VAPB: variants seen among roughly 807,000 people sequenced by gnomAD.
VAPB encodes the protein VAMP associated protein B and C, also known as vesicle-associated membrane protein-associated protein B/C.
VAPB carries 7 observed loss-of-function variants against 25.6 expected under a neutral mutation model. The ratio of observed to expected loss-of-function variants is 0.27; its 90% CI spans 0.16 to 0.51. The LOEUF is 0.51. Ranked by LOEUF, VAPB falls within the 20% of genes least tolerant of loss-of-function variation. The probability of loss-of-function intolerance (pLI) is 0.97; values close to 1 mark genes in which losing one functional copy is unlikely to be tolerated. For missense variants in VAPB, 266 were observed against 301.3 expected (o/e 0.88, Z 0.87); for synonymous variants, 112 against 109.2 (o/e 1.03, Z -0.16).
intron 2 of VAPB, among the ~76,000 whole-genome samples, chr20:58,421,171 T>A (rs1401101739): frequency 2.0e-5 from 3 of 152,196 alleles, no homozygotes; most frequent in Non-Finnish European, 2.9e-5. Flanking sequence ...GACCAACCTA[T>A]TAACCTTTCT....
chr20:58,423,441 A>AAAG, intron 2 of VAPB, among the ~76,000 whole-genome samples: 1 of 149,674 alleles, frequency 6.7e-6, no homozygotes, highest in Non-Finnish European at 1.5e-5. Context: ...AAAAAAAAAA[A>AAAG]AAAAAAAAGA....
chr20:58,403,443 A>T (rs933774913), intron 1 of VAPB, among the ~76,000 whole-genome samples: 2 of 152,188 alleles, frequency 1.3e-5, no homozygotes, highest in African/African-American at 4.8e-5. Flanking sequence ...GTCTTCTATC[A>T]CAGCTAATTT....
chr20:58,428,348 A>G (rs1337598062), intron 2 of VAPB, among the ~76,000 whole-genome samples: 1 of 152,230 alleles, frequency 6.6e-6, no homozygotes, highest in East Asian at 1.9e-4. Context: ...ATCAGCAGAT[A>G]CATTTTAAAA....
At chr20:58,405,211 A>G (rs1329029087) in intron 1 of VAPB, among the ~76,000 whole-genome samples, 1 of 152,142 alleles carries the variant, frequency 6.6e-6, no homozygotes, top group Non-Finnish European at 1.5e-5. Flanking sequence ...ATATAAAATG[A>G]GTGTATGAAC....
intron 1 of VAPB, among the ~76,000 whole-genome samples, chr20:58,409,429 TAGAG>T (rs1164476079): frequency 1.3e-5 from 2 of 152,192 alleles, no homozygotes; most frequent in Admixed American, 6.5e-5. Flanking sequence ...TTTTCCCACA[TAGAG>T]AGTCTACTGT....
At chr20:58,411,699 G>A (rs563815851) in intron 1 of VAPB, among the ~76,000 whole-genome samples, 1 of 151,984 alleles carries the variant, frequency 6.6e-6, no homozygotes, top group Non-Finnish European at 1.5e-5. Context: ...TTTTGAGACG[G>A]AGTCTCTTTC....
chr20:58,409,296 C>G (rs6026244), intron 1 of VAPB, among the ~76,000 whole-genome samples: 1 of 151,856 alleles, frequency 6.6e-6, no homozygotes, highest in Non-Finnish European at 1.5e-5. Flanking sequence ...GGGTATAGAA[C>G]GCAGAAAGCA....
At chr20:58,395,497 G>A (rs1987934603) in intron 1 of VAPB, among the ~76,000 whole-genome samples, 1 of 152,106 alleles carries the variant, frequency 6.6e-6, no homozygotes, top group Non-Finnish European at 1.5e-5. Context: ...GCTGTCTAAA[G>A]GATGATCATG....
intron 1 of VAPB, among the ~76,000 whole-genome samples, chr20:58,414,459 C>T (rs1988481022): frequency 6.6e-6 from 1 of 151,644 alleles, no homozygotes; most frequent in Admixed American, 6.6e-5. Context: ...GGTCTCCCCA[C>T]TCCTCAGACG....
chr20:58,413,139 CTTT>C (rs11481028), intron 1 of VAPB, among the ~76,000 whole-genome samples: 18 of 132,600 alleles, frequency 1.4e-4, no homozygotes, highest in Non-Finnish European at 2.4e-4. Context: ...TATTTGCCTT[CTTT>C]TTTTTTTTTT....
In VAPB at chr20:58,448,904, C is replaced by T. The variant is rs1302878484; in HGVS notation, c.*4669C>T. The T allele has an allele frequency of 4.4e-6, 2 of 453,824 alleles. No individual in the cohort carries two copies. Among genetic ancestry groups the T allele is most frequent in the South Asian group, 1.6e-5 (1 of 64,478 alleles). The allele number at this position is 453,824 out of a possible 1,614,324, so 28.1% of individuals were successfully genotyped here. A position where few individuals can be genotyped will look rare whatever the true frequency, so the allele number is the denominator to read the frequency against. On this transcript the variant is annotated 3_prime_UTR_variant, in exon 6 of 6. Transcript: ENST00000475243. ...CGTCTCGGCAAGGAGATGATGGGAG[C>T]GCTTTATATGGAGGCTTTACATGAC...
chr20:58,451,061 A>G lies in VAPB; in HGVS notation c.*6826A>G. The G allele has an allele frequency of 4.7e-6, 2 of 424,568 alleles. No individual in the cohort carries two copies. Among genetic ancestry groups the G allele is most frequent in the South Asian group, 3.4e-5 (2 of 59,602 alleles). The allele number at this position is 424,568 out of a possible 1,614,324, so 26.3% of individuals were successfully genotyped here. A position where few individuals can be genotyped will look rare whatever the true frequency, so the allele number is the denominator to read the frequency against. ...ATAAACTTTTGTACTAGCTGTCTCC[A>G]TATTATGTTCAATAAATTCTGTGCT... On this transcript the variant is annotated 3_prime_UTR_variant, in exon 6 of 6. Transcript: ENST00000475243.
intron 1 of VAPB, among the ~76,000 whole-genome samples, chr20:58,410,396 T>C (rs2064385): frequency 0.99 from 150,517 of 152,276 alleles, 74,397 homozygotes; most frequent in East Asian, 1. Flanking sequence ...CCCTTAAATT[T>C]TATCAACACC....
chr20:58,447,876 TA>T lies in VAPB; in HGVS notation c.*3642del, dbSNP rs1373848402. 4 of 453,870 alleles carry T rather than the reference TA, an allele frequency of 8.8e-6. No individual in the cohort carries two copies. Among genetic ancestry groups the T allele is most frequent in the African/African-American group, 6.0e-5 (3 of 49,946 alleles). 28.1% of individuals were successfully genotyped at this position (453,870 alleles called of 1,614,324 possible). A position where few individuals can be genotyped will look rare whatever the true frequency, so the allele number is the denominator to read the frequency against. On this transcript the variant is annotated 3_prime_UTR_variant, in exon 6 of 6. Transcript: ENST00000475243. ...TTTGAGAAATACATGTATGAAGAGA[TA>T]GGGGTCTTGGGCTTCCCAGTGTCAC...
chr20:58,409,606 C>T (rs1442466477), intron 1 of VAPB, among the ~76,000 whole-genome samples: 1 of 151,944 alleles, frequency 6.6e-6, no homozygotes, highest in East Asian at 1.9e-4. Flanking sequence ...AGATACTGTA[C>T]CTAATTTGTG....
intron 2 of VAPB, among the ~76,000 whole-genome samples, chr20:58,429,306 A>G (rs891113638): frequency 3.3e-5 from 5 of 152,320 alleles, no homozygotes; most frequent in Admixed American, 3.3e-4. Flanking sequence ...ATCTGTGTAT[A>G]TATCTCCTCA....
rs535924132 is a variant in VAPB, at chr20:58,444,308, A to G, written c.*73A>G. The G allele has an allele frequency of 2.1e-5, 34 of 1,611,094 alleles. No homozygotes were observed. The highest frequency in any genetic ancestry group is 8.0e-5 in the African/African-American group (6 of 74,990). ...CATGGGATTTAAATTTATCATAACC[A>G]TGTGTAAAAAGAAATTAATGTATGA... On this transcript the variant is annotated 3_prime_UTR_variant, in exon 6 of 6. Coordinates refer to ENST00000475243, the MANE Select transcript of VAPB (RefSeq NM_004738.5).
intron 2 of VAPB, among the ~76,000 whole-genome samples, chr20:58,430,688 G>T (rs961420971): frequency 7.2e-5 from 11 of 152,024 alleles, no homozygotes; most frequent in Admixed American, 6.6e-4. Flanking sequence ...CGATTCTCCT[G>T]CCTCAGCCTC....
chr20:58,449,124 G>A lies in VAPB; in HGVS notation c.*4889G>A, dbSNP rs536173091. 2.2e-6 allele frequency: 1 copy of A among 454,118 alleles called. No homozygotes were observed. Among genetic ancestry groups the A allele is most frequent in the Non-Finnish European group, 4.4e-6 (1 of 226,798 alleles). The allele number at this position is 454,118 out of a possible 1,614,324, so 28.1% of individuals were successfully genotyped here. The stretch of plus-strand genomic sequence containing the variant: ...GGAGCGTCAGCCGACAGGCAAGCTT[G>A]GGAGGCTGTGGGAATGGGTCTGCCC... On this transcript the variant is annotated 3_prime_UTR_variant, in exon 6 of 6. Coordinates refer to ENST00000475243, the MANE Select transcript of VAPB (RefSeq NM_004738.5).
Sources: gnomAD v4.1 joint callset for allele counts (sites outside exome capture counted in the v4.1 genomes callset) on GRCh38, gnomAD v4.1.1 for gene constraint, MANE v1.5 for transcripts, NCBI Gene and HGNC (gene_info 2026-07-23, HGNC 2026-07-21) for gene names.